Variants in HDAC4 observed in about 807,000 individuals in gnomAD.
HDAC4 encodes the protein histone deacetylase A.
HDAC4 carries 16 observed loss-of-function variants against 135.1 expected under a neutral mutation model. That is an observed-to-expected ratio of 0.12 (90% confidence interval 0.08 to 0.18). The LOEUF (loss-of-function observed/expected upper bound fraction) is 0.18. Ranked by LOEUF, HDAC4 falls within the 10% of genes least tolerant of loss-of-function variation. The pLI is 1.00. For synonymous variants in HDAC4, 685 were observed against 653.4 expected, an observed-to-expected ratio of 1.05 and a Z score of -0.74; for missense variants, 1,143 against 1,511.8, an observed-to-expected ratio of 0.76 and a Z score of 4.05.
chr2:239,145,539 A>T (rs1339609375), intron 7 of HDAC4, among the ~76,000 whole-genome samples: 1 of 152,202 alleles, frequency 6.6e-6, no homozygotes, highest in Non-Finnish European at 1.5e-5. Context: ...CAGCGACCGG[A>T]GTCAAAGAAA....
At chr2:239,100,476 G>A (rs1398586840) in intron 16 of HDAC4, among the ~76,000 whole-genome samples, 1 of 152,208 alleles carries the variant, frequency 6.6e-6, no homozygotes, top group Non-Finnish European at 1.5e-5. Flanking sequence ...CATCCTCTCT[G>A]AGGGTGCTAA....
chr2:239,238,036 C>T (rs1162874438), intron 2 of HDAC4, among the ~76,000 whole-genome samples: 2 of 152,102 alleles, frequency 1.3e-5, no homozygotes, highest in East Asian at 1.9e-4. Context: ...GAGCAATCGC[C>T]CCAAGTCTTC....
intron 8 of HDAC4, among the ~76,000 whole-genome samples, chr2:239,140,588 A>G (rs2041294346): frequency 1.3e-5 from 2 of 152,234 alleles, no homozygotes; most frequent in South Asian, 4.1e-4. Context: ...TCATCTGGTT[A>G]AAGCTTTCCA....
chr2:239,293,147 A>C (rs2051631696), intron 2 of HDAC4, among the ~76,000 whole-genome samples: 1 of 152,190 alleles, frequency 6.6e-6, no homozygotes. Flanking sequence ...CAGTCCTCAC[A>C]AGGCGTTTCC....
rs1248936029 is a variant in HDAC4 at position 239,368,135 on chromosome 2, G to A, written c.-219-15217C>T. Among the ~76,000 whole-genome samples the A allele has an allele frequency of 2.0e-5, 3 of 152,192 alleles. No homozygotes were observed. The East Asian group carries it at 5.8e-4, about 29-fold the overall frequency. On this transcript the variant is annotated intron_variant, in intron 1 of 26. Coordinates refer to ENST00000543185, the MANE Select transcript of HDAC4 (RefSeq NM_001378414.1). ...CACGTCAGAACGACAGTCAGCCTGT[G>A]CATCTCAATCATTGAAGCTAAAGCT...
intron 1 of HDAC4, among the ~76,000 whole-genome samples, chr2:239,383,490 G>A (rs995104572): frequency 1.3e-5 from 2 of 152,282 alleles, no homozygotes; most frequent in South Asian, 2.1e-4. Context: ...CACTCAGCCG[G>A]AACAGGTGCC....
chr2:239,189,809 C>T, intron 4 of HDAC4, 24 bp downstream of exon 4: 1 of 1,595,488 alleles, frequency 6.3e-7, no homozygotes, highest in South Asian at 1.1e-5. Context: ...CCTGGCCCAC[C>T]CGCAGCCCCG....
chr2:239,125,896 G>A (rs1041974335), intron 12 of HDAC4, among the ~76,000 whole-genome samples: 3 of 152,244 alleles, frequency 2.0e-5, no homozygotes, highest in Admixed American at 6.5e-5. Context: ...CTTCCTGCTG[G>A]AGTTCTGCAC....
rs371345056 is a variant in HDAC4, at chr2:239,107,390, G to C, written c.2112+660C>G. Among the ~76,000 whole-genome samples, 64 of 152,332 alleles carry C rather than the reference G, an allele frequency of 4.2e-4. 1 individual carries two copies. In the East Asian group the frequency reaches 4.4e-3, roughly 11 times the overall value. Reference sequence around the variant, plus strand: ...GCCGCTGCCATCGCCTGGCGGCCAGGGAAACTGAGGCACAGCCAGAGCTGC... The same window carrying C: ...GCCGCTGCCATCGCCTGGCGGCCAGCGAAACTGAGGCACAGCCAGAGCTGC... On this transcript the variant is annotated intron_variant, in intron 15 of 26. Transcript: ENST00000543185.
intron 4 of HDAC4, among the ~76,000 whole-genome samples, chr2:239,188,290 C>T (rs1294984733): frequency 1.3e-5 from 2 of 152,244 alleles, no homozygotes; most frequent in Non-Finnish European, 2.9e-5. Context: ...ACAACTGATA[C>T]TACTTTACCT....
Position 239,053,583 on chromosome 2 carries a change from A to T in HDAC4, c.3107T>A (p.Leu1036Gln). ...MEIHSKYWRC[L>Q]QRTTSTAGRS... ...CCCCGCTGTGGAGGTTGTGCGCTGC[A>T]GGCAGCGCCAGTACTTGCCTGGGGT... The change falls in exon 26 of 27, where the codon CTG becomes CAG. Residue 1036 changes from leucine (L) to glutamine (Q), a missense_variant. Around this residue, in one of 9 missense-constraint regions of HDAC4, gnomAD observed 131 missense variants for 130.6 expected, o/e 1.00. Coordinates refer to ENST00000543185, the MANE Select transcript of HDAC4 (RefSeq NM_001378414.1). The T allele has an allele frequency of 1.9e-6, 3 of 1,613,646 alleles. No individual in the cohort carries two copies. The South Asian group carries it at 3.3e-5, about 18-fold the overall frequency.
At chr2:239,182,619 C>T (rs2044224380) in intron 4 of HDAC4, among the ~76,000 whole-genome samples, 1 of 151,182 alleles carries the variant, frequency 6.6e-6, no homozygotes. Context: ...TGTAGGGAGG[C>T]ATTCCACCTT....
At chr2:239,077,940 C>T (rs746517901) in intron 22 of HDAC4, among the ~76,000 whole-genome samples, 4 of 152,190 alleles carry the variant, frequency 2.6e-5, no homozygotes, top group Non-Finnish European at 4.4e-5. Flanking sequence ...AATGCCAATT[C>T]GTGAAGCTAT....
chr2:239,358,979 T>C (rs1392257654), intron 1 of HDAC4, among the ~76,000 whole-genome samples: 2 of 152,246 alleles, frequency 1.3e-5, no homozygotes, highest in Non-Finnish European at 2.9e-5. Flanking sequence ...GGTTAGCATA[T>C]GTATTTCATG....
rs149966408 is a variant in HDAC4 at position 239,187,373 on chromosome 2, T to C, written c.339+2460A>G. Among the ~76,000 whole-genome samples the C allele has an allele frequency of 2.1e-3, 318 of 152,328 alleles. 1 individual carries two copies. Among genetic ancestry groups the C allele is most frequent in the African/African-American group, 7.5e-3 (311 of 41,572 alleles). ...TTTAAAAAATTACTTCTAGGAGTCA[T>C]AGAATGTGAGCCTATGGCGCAAAAA... On this transcript the variant is annotated intron_variant, in intron 4 of 26. Transcript: ENST00000543185.
At chr2:239,072,201 T>A (rs1159837673) in intron 22 of HDAC4, among the ~76,000 whole-genome samples, 1 of 152,262 alleles carries the variant, frequency 6.6e-6, no homozygotes, top group Non-Finnish European at 1.5e-5. Flanking sequence ...TGACGTTTTA[T>A]CCTTGGTGCC....
intron 2 of HDAC4, among the ~76,000 whole-genome samples, chr2:239,256,977 T>A (rs562283727): frequency 1.3e-5 from 2 of 152,372 alleles, no homozygotes; most frequent in African/African-American, 4.8e-5. Flanking sequence ...TATTTTCAGA[T>A]GTCCCTCAAC....
At chr2:239,219,354 T>C (rs916894833) in intron 3 of HDAC4, among the ~76,000 whole-genome samples, 1 of 151,270 alleles carries the variant, frequency 6.6e-6, no homozygotes. Flanking sequence ...TCATTCTCAG[T>C]AAACTATCAC....
chr2:239,121,286 A>G (rs1290885638), intron 12 of HDAC4, among the ~76,000 whole-genome samples: 1 of 152,206 alleles, frequency 6.6e-6, no homozygotes, highest in East Asian at 1.9e-4. Flanking sequence ...AAAAACTTCA[A>G]GAACTCTGTA....
Sources: allele counts gnomAD v4.1 joint callset (sites outside exome capture counted in the v4.1 genomes callset), GRCh38; gene constraint gnomAD v4.1.1; regional missense constraint gnomAD v4.1.1; transcripts MANE v1.5; gene names NCBI Gene and HGNC (gene_info 2026-07-23, HGNC 2026-07-21).